Variants in PPP3CA observed in about 807,000 individuals in gnomAD.
PPP3CA encodes protein phosphatase 3 catalytic subunit alpha.
PPP3CA carries 14 observed loss-of-function variants against 66.5 expected under a neutral mutation model. The observed-to-expected ratio is 0.21, with a 90% CI of 0.14 to 0.33. The LOEUF (loss-of-function observed/expected upper bound fraction) is 0.33. Ranked by LOEUF, PPP3CA falls within the 10% of genes least tolerant of loss-of-function variation. The pLI is 1.00. For synonymous variants in PPP3CA, 232 were observed against 226.2 expected (o/e 1.03, Z -0.23); for missense variants, 317 against 639.5 (o/e 0.50, Z 5.44).
rs543050198 is a variant in PPP3CA, at chr4:101,086,553, T to A, written c.783-3290A>T. Among the ~76,000 whole-genome samples, 31 of 152,252 alleles carry A rather than the reference T, an allele frequency of 2.0e-4. No homozygotes were observed. In the South Asian group the frequency reaches 4.6e-3, roughly 22 times the overall value. On this transcript the variant is annotated intron_variant, in intron 6 of 13. Transcript: ENST00000394854. ...GGGCATTATTAAAATGTTTTTTTTT[T>A]AAATGTTTTTATGCCTTTATGGATA... is the stretch of plus-strand genomic sequence containing the variant.
At chr4:101,329,343 G>A (rs981663538) in intron 1 of PPP3CA, among the ~76,000 whole-genome samples, 1 of 152,168 alleles carries the variant, frequency 6.6e-6, no homozygotes, top group Non-Finnish European at 1.5e-5. Context: ...GCTGAGAGAG[G>A]TGAGGAAGCT....
intron 1 of PPP3CA, among the ~76,000 whole-genome samples, chr4:101,313,705 C>T (rs916846675): frequency 2.0e-5 from 3 of 152,002 alleles, no homozygotes; most frequent in African/African-American, 7.3e-5. Flanking sequence ...CTCAGGAGTC[C>T]CATTAAACTG....
intron 1 of PPP3CA, among the ~76,000 whole-genome samples, chr4:101,298,373 C>G (rs1728261552): frequency 6.7e-6 from 1 of 149,828 alleles, no homozygotes; most frequent in South Asian, 2.1e-4. Context: ...ACAGTTGACC[C>G]TTTAACAACG....
At chr4:101,304,914 C>T (rs1728486800) in intron 1 of PPP3CA, among the ~76,000 whole-genome samples, 1 of 152,080 alleles carries the variant, frequency 6.6e-6, no homozygotes, top group Non-Finnish European at 1.5e-5. Context: ...TCAGTCTGGC[C>T]CAATTTAAGG....
intron 2 of PPP3CA, among the ~76,000 whole-genome samples, chr4:101,193,176 C>T (rs561521439): frequency 6.6e-6 from 1 of 152,286 alleles, no homozygotes; most frequent in Admixed American, 6.5e-5. Flanking sequence ...CCTTGGAGGG[C>T]AAAGACCAGG....
intron 1 of PPP3CA, among the ~76,000 whole-genome samples, chr4:101,210,515 G>A (rs1430122912): frequency 1.3e-5 from 2 of 152,098 alleles, no homozygotes; most frequent in Admixed American, 1.3e-4. Flanking sequence ...TAAGGTGCTT[G>A]GCCCATTACT....
chr4:101,126,167 A>G (rs1342600205), intron 2 of PPP3CA, among the ~76,000 whole-genome samples: 1 of 152,230 alleles, frequency 6.6e-6, no homozygotes, highest in Non-Finnish European at 1.5e-5. Context: ...AAAATTGTGA[A>G]TGCCAAGAGA....
At chr4:101,152,892 G>A (rs1723188473) in intron 2 of PPP3CA, among the ~76,000 whole-genome samples, 1 of 152,166 alleles carries the variant, frequency 6.6e-6, no homozygotes, top group African/African-American at 2.4e-5. Flanking sequence ...AAAAAAACGC[G>A]AAAGCATTAG....
chr4:101,190,317 C>T (rs571049773), intron 2 of PPP3CA, among the ~76,000 whole-genome samples: 1 of 152,182 alleles, frequency 6.6e-6, no homozygotes, highest in Middle Eastern at 3.4e-3. Context: ...CCTGTGAAAA[C>T]AACAGGCATT....
chr4:101,203,226 G>A (rs1326130883), intron 1 of PPP3CA, among the ~76,000 whole-genome samples: 3 of 152,196 alleles, frequency 2.0e-5, no homozygotes, highest in African/African-American at 7.2e-5. Flanking sequence ...GCCGGGTGCG[G>A]TGGCTCACGC....
chr4:101,133,921 C>T (rs1181473588), intron 2 of PPP3CA, among the ~76,000 whole-genome samples: 1 of 151,916 alleles, frequency 6.6e-6, no homozygotes, highest in Non-Finnish European at 1.5e-5. Flanking sequence ...GAACAGAACA[C>T]GGGCATCAGA....
At chr4:101,197,529 G>T (rs762590094) in intron 1 of PPP3CA, among the ~76,000 whole-genome samples, 8 of 152,118 alleles carry the variant, frequency 5.3e-5, no homozygotes, top group Admixed American at 1.3e-4. Flanking sequence ...ACCTTGAGCA[G>T]GTTAAATAAC....
intron 8 of PPP3CA, among the ~76,000 whole-genome samples, chr4:101,070,240 G>GA (rs1578418718): frequency 6.6e-6 from 1 of 151,654 alleles, no homozygotes. Flanking sequence ...GTTGTTTGAA[G>GA]AAAAAACCTA....
chr4:101,317,638 G>A (rs1728922185), intron 1 of PPP3CA, among the ~76,000 whole-genome samples: 2 of 152,052 alleles, frequency 1.3e-5, no homozygotes, highest in South Asian at 4.2e-4. Flanking sequence ...AAACTACTCG[G>A]CTACTGACAA....
At chr4:101,212,421 A>G (rs1391754452) in intron 1 of PPP3CA, among the ~76,000 whole-genome samples, 1 of 152,104 alleles carries the variant, frequency 6.6e-6, no homozygotes, top group South Asian at 2.1e-4. Context: ...ATGAGAACAC[A>G]TGGTTAAATG....
chr4:101,145,842 G>A (rs1270348189), intron 2 of PPP3CA, among the ~76,000 whole-genome samples: 1 of 152,114 alleles, frequency 6.6e-6, no homozygotes, highest in Non-Finnish European at 1.5e-5. Flanking sequence ...ACACATGGCT[G>A]TAAACTATTT....
At chr4:101,307,575 T>C (rs2110306370) in intron 1 of PPP3CA, among the ~76,000 whole-genome samples, 1 of 152,276 alleles carries the variant, frequency 6.6e-6, no homozygotes, top group South Asian at 2.1e-4. Context: ...ATGTAACAAA[T>C]GGTTGCCATT....
At chr4:101,047,350 C>T (rs1727812113) in intron 10 of PPP3CA, among the ~76,000 whole-genome samples, 1 of 152,066 alleles carries the variant, frequency 6.6e-6, no homozygotes, top group Non-Finnish European at 1.5e-5. Flanking sequence ...AAAATAATAT[C>T]CCCAAAGAAT....
At chr4:101,161,033 A>G (rs1392942324) in intron 2 of PPP3CA, among the ~76,000 whole-genome samples, 1 of 152,158 alleles carries the variant, frequency 6.6e-6, no homozygotes, top group African/African-American at 2.4e-5. Flanking sequence ...CCATAAGATT[A>G]TAACATCATA....
Sources: gnomAD v4.1 joint callset for allele counts (sites outside exome capture counted in the v4.1 genomes callset) on GRCh38, gnomAD v4.1.1 for gene constraint, MANE v1.5 for transcripts, NCBI Gene and HGNC (gene_info 2026-07-23, HGNC 2026-07-21) for gene names.